The following KIAA1755 variants were observed in gnomAD, a reference collection of about 807,000 sequenced individuals.
KIAA1755 encodes the protein uncharacterized protein KIAA1755.
Under a neutral mutation model 91.7 loss-of-function variants are expected in KIAA1755, and 68 were observed. That is an observed-to-expected ratio of 0.74 (90% CI 0.61 to 0.91). KIAA1755 has a LOEUF of 0.91. Among genes scored for constraint, KIAA1755 ranks in the 40% least tolerant of loss-of-function variants. KIAA1755 has a pLI of 0.00. For missense variants in KIAA1755, 1,535 were observed against 1,494.4 expected, an observed-to-expected ratio of 1.03 and a Z score of -0.45; for synonymous variants, 610 against 604.6, an observed-to-expected ratio of 1.01 and a Z score of -0.13.
intron 1 of KIAA1755, among the ~76,000 whole-genome samples, chr20:38,258,942 T>C (rs1305742841): frequency 6.6e-6 from 1 of 152,132 alleles, no homozygotes; most frequent in African/African-American, 2.4e-5. Flanking sequence ...AGGTTAGGTG[T>C]GAAAGCAGGA....
intron 13 of KIAA1755, among the ~76,000 whole-genome samples, chr20:38,215,594 G>C (rs549418866): frequency 1.4e-4 from 22 of 152,308 alleles, no homozygotes; most frequent in Admixed American, 7.2e-4. Context: ...CTGCAAAGAG[G>C]GGATGTGTGA....
In KIAA1755 at chr20:38,228,222, C is replaced by CT; in HGVS notation, c.1889dup (p.Leu632AlafsTer6). 1 of 1,601,402 alleles carries CT rather than the reference C, an allele frequency of 6.2e-7. No individual in the cohort carries two copies. On this transcript the variant is annotated frameshift_variant, in exon 6 of 14. Coordinates refer to ENST00000279024, the MANE Select transcript of KIAA1755 (RefSeq NM_001029864.2). LOFTEE classifies it high-confidence loss of function. ...TGGCGTCAATCAGGACCGCCAGCCC[C>CT]TTGGCTTTATCTTCAGGCCTGTGGG...
intron 10 of KIAA1755, 106 bp downstream of exon 10, chr20:38,222,343 G>A (rs1441468216): frequency 2.2e-5 from 27 of 1,214,370 alleles, no homozygotes; most frequent in South Asian, 5.7e-5. Flanking sequence ...AAAGCTGGGC[G>A]CCCTCGGGGC....
chr20:38,211,212 G>A lies in KIAA1755; in HGVS notation c.*1830C>T, dbSNP rs1338250166. 6.6e-6 allele frequency: 1 copy of A among 152,304 alleles called. No homozygotes were observed. The highest frequency in any genetic ancestry group is 1.5e-5 in the Non-Finnish European group (1 of 68,106). The allele number at this position is 152,304 out of a possible 1,614,324, so 9.4% of individuals were successfully genotyped here. ...TTCCTGAAGCCATTTTAGGTATCAA[G>A]TGTGTGACTCTTGGCTGAGACAGCT... On this transcript the variant is annotated 3_prime_UTR_variant, in exon 14 of 14. Coordinates refer to ENST00000279024, the MANE Select transcript of KIAA1755 (RefSeq NM_001029864.2).
At chr20:38,214,076 C>T (rs779959779) in intron 13 of KIAA1755, among the ~76,000 whole-genome samples, 16 of 151,962 alleles carry the variant, frequency 1.1e-4, no homozygotes, top group Non-Finnish European at 1.8e-4. Context: ...CTCAGCCTCC[C>T]GAGTAGCTGA....
rs2075454257 is a variant in KIAA1755, at chr20:38,211,784, C to G, written c.*1258G>C. ...TGCCTGCTGAAGAGGCCTTGTGAGACAGGGAGCACAGAAGACATGTCCTTC... is the reference window on the plus strand; with the variant it reads ...TGCCTGCTGAAGAGGCCTTGTGAGAGAGGGAGCACAGAAGACATGTCCTTC... On this transcript the variant is annotated 3_prime_UTR_variant, in exon 14 of 14. Coordinates refer to ENST00000279024, the MANE Select transcript of KIAA1755 (RefSeq NM_001029864.2). The G allele has an allele frequency of 2.0e-5, 3 of 152,194 alleles. No individual in the cohort carries two copies. The highest frequency in any genetic ancestry group is 2.0e-4 in the Admixed American group (3 of 15,282). The allele number at this position is 152,194 out of a possible 1,614,324, so 9.4% of individuals were successfully genotyped here.
chr20:38,252,189 G>A (rs970141752), intron 1 of KIAA1755, among the ~76,000 whole-genome samples: 7 of 152,274 alleles, frequency 4.6e-5, no homozygotes, highest in Admixed American at 6.5e-5. Flanking sequence ...CTAATTAATG[G>A]ATGTACAGGG....
chr20:38,228,857 C>A lies in KIAA1755; in HGVS notation c.1872-617G>T, dbSNP rs569715268. Among the ~76,000 whole-genome samples the A allele has an allele frequency of 5.3e-5, 8 of 152,290 alleles. No homozygotes were observed. In the East Asian group the frequency reaches 1.5e-3, roughly 29 times the overall value. Reference sequence around the variant, plus strand: ...GATAAAACATTTTAAATGGGAATTTCTGTTGATTGCAGCCAAAACACCCTC... The same window carrying A: ...GATAAAACATTTTAAATGGGAATTTATGTTGATTGCAGCCAAAACACCCTC... On this transcript the variant is annotated intron_variant, in intron 5 of 13. Coordinates refer to ENST00000279024, the MANE Select transcript of KIAA1755 (RefSeq NM_001029864.2).
At chr20:38,224,381 G>A (rs1469720506) in intron 8 of KIAA1755, among the ~76,000 whole-genome samples, 1 of 152,232 alleles carries the variant, frequency 6.6e-6, no homozygotes, top group East Asian at 1.9e-4. Context: ...CGGAAAAGGA[G>A]ATTGTTCAGT....
At chr20:38,235,821 C>T (rs2075950531) in intron 4 of KIAA1755, among the ~76,000 whole-genome samples, 1 of 152,212 alleles carries the variant, frequency 6.6e-6, no homozygotes, top group Non-Finnish European at 1.5e-5. Flanking sequence ...AAAACCCCAT[C>T]CCCAGCATGG....
chr20:38,231,026 C>G (rs572763152), intron 5 of KIAA1755, among the ~76,000 whole-genome samples, 176 bp downstream of exon 5: 18 of 152,306 alleles, frequency 1.2e-4, no homozygotes, highest in African/African-American at 4.1e-4. Context: ...GACAACCCCC[C>G]GATGGCAGGG....
intron 10 of KIAA1755, among the ~76,000 whole-genome samples, chr20:38,220,459 C>T (rs993025464): frequency 5.9e-5 from 9 of 152,112 alleles, no homozygotes; most frequent in Non-Finnish European, 1.3e-4. Context: ...GGATTACAGG[C>T]ACGCACCACC....
intron 3 of KIAA1755, among the ~76,000 whole-genome samples, chr20:38,240,257 A>G (rs2076031795): frequency 6.6e-6 from 1 of 152,176 alleles, no homozygotes; most frequent in African/African-American, 2.4e-5. Flanking sequence ...TTGAACCCTC[A>G]AAATAACACT....
At position 38,213,436 on chromosome 20, in the gene KIAA1755, C is replaced by T. The variant is rs1262421857; in HGVS notation, c.3209G>A (p.Arg1070Gln). The T allele has an allele frequency of 1.2e-5, 19 of 1,601,186 alleles. No individual in the cohort carries two copies. The highest frequency in any genetic ancestry group is 3.3e-4 in the Middle Eastern group (2 of 6,068). ...CTGGCCCTTGGCTGCCACCCCTCTT[C>T]GTTCTGGGCGCGCTGAGTGAGCAGC... is the stretch of plus-strand genomic sequence containing the variant. The part of the protein sequence containing the change: ...APAAHSARPE[R>Q]RGVAAKGQGV... The change falls in exon 14 of 14, where the codon CGA becomes CAA. Residue 1070 changes from arginine to glutamine, a missense_variant. Transcript: ENST00000279024.
intron 11 of KIAA1755, among the ~76,000 whole-genome samples, chr20:38,219,166 G>C (rs2075608819): frequency 6.6e-6 from 1 of 152,138 alleles, no homozygotes; most frequent in Admixed American, 6.5e-5. Flanking sequence ...GTGCCCCACA[G>C]CTCCAGGCTG....
chr20:38,221,438 C>A (rs972772695), intron 10 of KIAA1755, among the ~76,000 whole-genome samples: 5 of 152,118 alleles, frequency 3.3e-5, no homozygotes, highest in African/African-American at 1.2e-4. Flanking sequence ...GCTGCCCGTG[C>A]GTCCATCTGT....
In KIAA1755 at chr20:38,239,350, G is replaced by A. The variant is rs190100320; in HGVS notation, c.1747+178C>T. Reference sequence around the variant, plus strand: ...ATGGGTGGATGGATACCAACAAATTGCTTTCATCTATTCCAATTCTCCCAT... The same window carrying A: ...ATGGGTGGATGGATACCAACAAATTACTTTCATCTATTCCAATTCTCCCAT... On this transcript the variant is annotated intron_variant, in intron 4 of 13. Coordinates refer to ENST00000279024, the MANE Select transcript of KIAA1755 (RefSeq NM_001029864.2). Among the ~76,000 whole-genome samples, 396 of 152,344 alleles carry A rather than the reference G, an allele frequency of 2.6e-3. No individual in the cohort carries two copies. Among genetic ancestry groups the A allele is most frequent in the Non-Finnish European group, 4.0e-3 (272 of 68,032 alleles).
At chr20:38,248,121 C>T (rs771294786) in intron 1 of KIAA1755, among the ~76,000 whole-genome samples, 6 of 152,104 alleles carry the variant, frequency 3.9e-5, no homozygotes, top group Non-Finnish European at 8.8e-5. Context: ...CCCAGCTACT[C>T]GGGAGGCCAA....
intron 8 of KIAA1755, 119 bp from the exon 9 acceptor site, chr20:38,223,755 C>G: frequency 1.4e-6 from 1 of 690,450 alleles, no homozygotes; most frequent in Non-Finnish European, 2.5e-6. Flanking sequence ...CCAGGTGCAT[C>G]AGAAGCATCT....
Sources: allele counts gnomAD v4.1 joint callset (sites outside exome capture counted in the v4.1 genomes callset), GRCh38; gene constraint gnomAD v4.1.1; transcripts MANE v1.5; gene names NCBI Gene and HGNC (gene_info 2026-07-23, HGNC 2026-07-21).